Variants in POTEI observed in about 807,000 individuals in gnomAD.
POTEI encodes POTE ankyrin domain family member I.
In POTEI, 14 loss-of-function variants were observed where a neutral mutation model predicts 43.4. The ratio of observed to expected loss-of-function variants is 0.32; its 90% confidence interval spans 0.21 to 0.50. POTEI has a LOEUF of 0.50. Among genes scored for constraint, POTEI ranks in the 20% least tolerant of loss-of-function variants. The pLI is 0.98. For missense variants in POTEI, 235 were observed against 795.4 expected (o/e 0.30, Z 8.47); for synonymous variants, 95 against 297.9 (o/e 0.32, Z 7.01).
At chr2:130,469,497 CA>C (rs1379869797) in intron 13 of POTEI, among the ~76,000 whole-genome samples, 1 of 133,408 alleles carries the variant, frequency 7.5e-6, no homozygotes, top group African/African-American at 3.3e-5. Context: ...CTATCGGAAG[CA>C]AAAAATTCCA....
chr2:130,488,578 T>C (rs2336814), intron 8 of POTEI, among the ~76,000 whole-genome samples: 1 of 127,338 alleles, frequency 7.9e-6, no homozygotes, highest in African/African-American at 3.0e-5. Flanking sequence ...ATGTGTCTTC[T>C]GTCTTTACCA....
chr2:130,478,860 C>A (rs1683294919), intron 10 of POTEI, among the ~76,000 whole-genome samples: 1 of 35,994 alleles, frequency 2.8e-5, no homozygotes, highest in African/African-American at 1.0e-4. Flanking sequence ...ATTCTTGGAT[C>A]TTTGACAAGT....
At chr2:130,473,674 T>A (rs1683082961) in intron 13 of POTEI, among the ~76,000 whole-genome samples, 1 of 23,344 alleles carries the variant, frequency 4.3e-5, no homozygotes, top group African/African-American at 4.8e-5. Context: ...TACATAAGTA[T>A]ACATATAACA....
chr2:130,479,791 C>T (rs138000910), intron 10 of POTEI, among the ~76,000 whole-genome samples: 5,494 of 18,800 alleles, frequency 0.29, 336 homozygotes, highest in East Asian at 0.83. Context: ...TGAGCCCCTG[C>T]AGCACACATT....
chr2:130,467,760 C>G (rs1299628552), intron 13 of POTEI, among the ~76,000 whole-genome samples: 1 of 151,770 alleles, frequency 6.6e-6, no homozygotes, highest in Non-Finnish European at 1.5e-5. Context: ...TCAAACAAAT[C>G]AACAGGAAAA....
Position 130,462,473 on chromosome 2 carries a change from G to C in POTEI, c.*343C>G. ...GCTATCACCTCCCCTGTGTGAACTAGGGAGAGGACTGGGCCATTCTCCTTA... is the reference window on the plus strand; with the variant it reads ...GCTATCACCTCCCCTGTGTGAACTACGGAGAGGACTGGGCCATTCTCCTTA... On this transcript the variant is annotated 3_prime_UTR_variant, in exon 15 of 15. Transcript: ENST00000451531. The C allele has an allele frequency of 3.3e-6, 1 of 305,304 alleles. No homozygotes were observed. The highest frequency in any genetic ancestry group is 6.1e-6 in the Non-Finnish European group (1 of 164,442). 18.9% of individuals were successfully genotyped at this position (305,304 alleles called of 1,614,324 possible).
At position 130,484,582 on chromosome 2, in the gene POTEI, T is replaced by A. The variant is rs1357496920; in HGVS notation, c.1410-2509A>T. On this transcript the variant is annotated intron_variant, in intron 9 of 14. Coordinates refer to ENST00000451531, the MANE Select transcript of POTEI (RefSeq NM_001277406.2). ...CACAGGGAACTGCCAAGCACAGAGG[T>A]GTGTCTGGAGTCTTTAAGCACTAGG... Among the ~76,000 whole-genome samples, 3 of 89,654 alleles carry A rather than the reference T, an allele frequency of 3.3e-5. No homozygotes were observed. In the East Asian group the frequency reaches 8.1e-4, roughly 24 times the overall value. The allele number at this position is 89,654 out of a possible 152,430, so 58.8% of individuals were successfully genotyped here.
At chr2:130,479,751 C>A (rs1683337118) in intron 10 of POTEI, among the ~76,000 whole-genome samples, 1 of 42,862 alleles carries the variant, frequency 2.3e-5, no homozygotes, top group Non-Finnish European at 4.4e-5. Context: ...CAAATTTAAT[C>A]TTGTGACTCC....
chr2:130,494,062 C>G lies in POTEI; in HGVS notation c.1126+2490G>C, dbSNP rs1422219916. Reference sequence around the variant, plus strand: ...ATCAATCCCAGCAAACTATAGGCCACAGGCCAAATCCAATCTGCATTATGG... The same window carrying G: ...ATCAATCCCAGCAAACTATAGGCCAGAGGCCAAATCCAATCTGCATTATGG... On this transcript the variant is annotated intron_variant, in intron 6 of 14. Transcript: ENST00000451531. Among the ~76,000 whole-genome samples, 4 of 42,306 alleles carry G rather than the reference C, an allele frequency of 9.5e-5. 2 individuals carry two copies. Among genetic ancestry groups the G allele is most frequent in the Non-Finnish European group, 2.2e-4 (4 of 18,112 alleles). 27.8% of individuals were successfully genotyped at this position (42,306 alleles called of 152,430 possible).
At chr2:130,493,068 T>C (rs1282288119) in intron 6 of POTEI, among the ~76,000 whole-genome samples, 145 of 113,774 alleles carry the variant, frequency 1.3e-3, no homozygotes, top group Non-Finnish European at 2.1e-3. Context: ...AGGGATTCTG[T>C]TTGGTTGCAG....
At chr2:130,477,651 TA>T (rs1683250158) in intron 10 of POTEI, among the ~76,000 whole-genome samples, 1 of 138,296 alleles carries the variant, frequency 7.2e-6, no homozygotes, top group Non-Finnish European at 1.5e-5. Flanking sequence ...ATCATCTTTG[TA>T]AAAACAGTCT....
At chr2:130,474,164 C>G (rs1683106596) in intron 13 of POTEI, among the ~76,000 whole-genome samples, 1 of 151,110 alleles carries the variant, frequency 6.6e-6, no homozygotes, top group African/African-American at 2.5e-5. Flanking sequence ...TGCCTTTTCC[C>G]TCACATTTGC....
Position 130,463,361 on chromosome 2 carries a change from CG to C in POTEI, c.2682del (p.Glu895SerfsTer42). ...ELTDYLMKIL[T>X]ERGYRFTTMA... ...ATGGTGGTGAACCTATAGCCACGCTCGGTGAGGATCTTCATGAGGTAGTCAG... is the reference window on the plus strand; with the variant it reads ...ATGGTGGTGAACCTATAGCCACGCTCGTGAGGATCTTCATGAGGTAGTCAG... On this transcript the variant is annotated frameshift_variant, in exon 15 of 15. Coordinates refer to ENST00000451531, the MANE Select transcript of POTEI (RefSeq NM_001277406.2). LOFTEE classifies it high-confidence loss of function. 7.0e-7 allele frequency: 1 copy of C among 1,418,654 alleles called. No individual in the cohort carries two copies. Among genetic ancestry groups the C allele is most frequent in the Non-Finnish European group, 9.5e-7 (1 of 1,057,990 alleles). The allele number at this position is 1,418,654 out of a possible 1,614,324, so 87.9% of individuals were successfully genotyped here. A position where few individuals can be genotyped will look rare whatever the true frequency, so the allele number is the denominator to read the frequency against.
chr2:130,486,954 G>T (rs1256713008), intron 9 of POTEI, among the ~76,000 whole-genome samples: 2 of 103,018 alleles, frequency 1.9e-5, no homozygotes, highest in African/African-American at 6.8e-5. Context: ...GCAATATTCA[G>T]ATTGAGGGTC....
rs937261046 is a variant in POTEI, at chr2:130,460,380, G to A, written c.*2436C>T. ...TAAGCAAGTCTCCTTTTTTTAAAAA[G>A]GGAACTCTCGGACCTGATCTCTGCT... On this transcript the variant is annotated 3_prime_UTR_variant, in exon 15 of 15. Coordinates refer to ENST00000451531, the MANE Select transcript of POTEI (RefSeq NM_001277406.2). The A allele has an allele frequency of 6.6e-6, 1 of 151,986 alleles. No individual in the cohort carries two copies. Among genetic ancestry groups the A allele is most frequent in the Non-Finnish European group, 1.5e-5 (1 of 68,016 alleles). 9.4% of individuals were successfully genotyped at this position (151,986 alleles called of 1,614,324 possible).
intron 13 of POTEI, among the ~76,000 whole-genome samples, chr2:130,468,981 T>A (rs1336033081): frequency 6.6e-6 from 1 of 151,046 alleles, no homozygotes; most frequent in African/African-American, 2.4e-5. Flanking sequence ...AATATGACTA[T>A]CATATACATA....
intron 13 of POTEI, among the ~76,000 whole-genome samples, chr2:130,467,924 C>T (rs1293969050): frequency 6.4e-5 from 9 of 139,548 alleles, no homozygotes; most frequent in African/African-American, 1.6e-4. Context: ...TATCACCTCA[C>T]TGCAGCCAGA....
chr2:130,467,441 G>A (rs1682864131), intron 13 of POTEI, among the ~76,000 whole-genome samples: 1 of 133,720 alleles, frequency 7.5e-6, no homozygotes, highest in East Asian at 2.2e-4. Context: ...AAATGGTGCT[G>A]GGAAAAAAAG....
chr2:130,492,993 C>A (rs574783266), intron 6 of POTEI, among the ~76,000 whole-genome samples: 1 of 149,896 alleles, frequency 6.7e-6, no homozygotes, highest in East Asian at 2.0e-4. Flanking sequence ...CACTCTTTCT[C>A]TTTTTTCATT....
Sources: gnomAD v4.1 joint callset for allele counts (sites outside exome capture counted in the v4.1 genomes callset) on GRCh38, gnomAD v4.1.1 for gene constraint, MANE v1.5 for transcripts, NCBI Gene and HGNC (gene_info 2026-07-23, HGNC 2026-07-21) for gene names.